The following FOXK2 variants were observed in gnomAD, a reference collection of about 807,000 sequenced individuals.
The protein encoded by FOXK2 is forkhead box K2.
A neutral mutation model predicts 53.3 loss-of-function variants in FOXK2; 24 were observed. That is an observed-to-expected ratio of 0.45 (90% CI 0.33 to 0.63). The LOEUF (loss-of-function observed/expected upper bound fraction) is 0.63. FOXK2 is among the 30% of genes least tolerant of loss of function. The pLI, the probability that FOXK2 is intolerant of heterozygous loss-of-function variation, is 0.03. For missense variants in FOXK2, 952 were observed against 910.5 expected (o/e 1.05, Z -0.59); for synonymous variants, 505 against 407.1 (o/e 1.24, Z -2.89).
intron 1 of FOXK2, chr17:82,559,603 C>G: frequency 2.4e-6 from 1 of 413,282 alleles, no homozygotes; most frequent in Admixed American, 2.5e-5. Context: ...CCTGCTGGAA[C>G]CTCGTGCCAG....
intron 8 of FOXK2, among the ~76,000 whole-genome samples, chr17:82,589,085 TTATGTATTTAAGTTA>T (rs1403899494): frequency 6.6e-6 from 1 of 152,126 alleles, no homozygotes; most frequent in Non-Finnish European, 1.5e-5. Context: ...GGTATCCTTT[TTATGTATTTAAGTTA>T]TCTGGAATTT....
rs2044816708 is a variant in FOXK2 at position 82,563,280 on chromosome 17, G to A, written c.420-74G>A. 2.8e-6 allele frequency: 4 copies of A among 1,403,724 alleles called. No homozygotes were observed. The South Asian group carries it at 5.3e-5, about 19-fold the overall frequency. 87.0% of individuals were successfully genotyped at this position (1,403,724 alleles called of 1,614,324 possible). On this transcript the variant is annotated intron_variant, in intron 1 of 8. Transcript: ENST00000335255. ...ATGTTCTCAGCTGCTCCAGTGTTGT[G>A]GGGACATGTGGGGACTCTGCCCTGC...
intron 8 of FOXK2, chr17:82,596,113 G>GGCCACACCTGCA (rs2045307590): frequency 2.9e-6 from 3 of 1,050,940 alleles, no homozygotes; most frequent in Non-Finnish European, 3.5e-6. Flanking sequence ...CCACACCTGC[G>GGCCACACCTGCA]GCCACAGACT....
chr17:82,556,577 GC>G (rs2044727416), intron 1 of FOXK2, among the ~76,000 whole-genome samples: 1 of 151,852 alleles, frequency 6.6e-6, no homozygotes, highest in African/African-American at 2.4e-5. Context: ...TGGGGCTGGG[GC>G]TGGGGCTGGG....
chr17:82,543,087 A>G (rs2044589500), intron 1 of FOXK2, among the ~76,000 whole-genome samples: 2 of 152,228 alleles, frequency 1.3e-5, no homozygotes, highest in Admixed American at 1.3e-4. Flanking sequence ...TGCTGTTGCC[A>G]GAGTGGCCAG....
In FOXK2 at chr17:82,553,042, T is replaced by G. The variant is rs567758713; in HGVS notation, c.420-10312T>G. Among the ~76,000 whole-genome samples the G allele has an allele frequency of 3.3e-5, 5 of 152,316 alleles. No individual in the cohort carries two copies. The East Asian group carries it at 9.6e-4, about 29-fold the overall frequency. ...CCTCTGCCTCCTGAGTTCAAGCGAT[T>G]CTCCTGCCTCAGCCTCCGGAGTAGC... is the stretch of plus-strand genomic sequence containing the variant. On this transcript the variant is annotated intron_variant, in intron 1 of 8. Coordinates refer to ENST00000335255, the MANE Select transcript of FOXK2 (RefSeq NM_004514.4).
intron 1 of FOXK2, among the ~76,000 whole-genome samples, chr17:82,543,444 C>T (rs1022575248): frequency 2.0e-5 from 3 of 152,160 alleles, no homozygotes; most frequent in Non-Finnish European, 4.4e-5. Context: ...TGTGTGAGCA[C>T]CTGCTGTGGG....
chr17:82,586,122 G>A lies in FOXK2; in HGVS notation c.1498G>A (p.Ala500Thr), dbSNP rs751336957. 5.0e-6 allele frequency: 8 copies of A among 1,612,680 alleles called. No individual in the cohort carries two copies. The South Asian group carries it at 8.8e-5, about 18-fold the overall frequency. Residue 500 changes from alanine to threonine, a missense_variant, in exon 7 of 9, where the codon GCT (alanine) becomes ACT (threonine). By Grantham distance (58) the Ala-to-Thr change is moderately conservative. Around this residue, in one of 5 missense-constraint regions of FOXK2, gnomAD observed 551 missense variants for 385.1 expected, o/e 1.43. Transcript: ENST00000335255. ...GAACACGTACACTGTCTCTGGACAA[G>A]CTGTGGTCACCCCGGCAGCCGTGCT... ...PANTYTVSGQ[A>T]VVTPAAVLAP...
In FOXK2 at chr17:82,519,907, G is replaced by C. The variant is rs991279550; in HGVS notation, c.19G>C (p.Ala7Pro). Residue 7 changes from alanine to proline, a missense_variant, in exon 1 of 9, where the codon GCG becomes CCG. Physicochemically the swap from Ala to Pro is conservative, Grantham distance 27. Around this residue, in one of 5 missense-constraint regions of FOXK2, gnomAD observed 163 missense variants for 165.5 expected, o/e 0.98. Transcript: ENST00000335255. ...CAGGCCCATGGCGGCGGCCGCGGCG[G>C]CGCTCTCGGGCGCGGGCACGCCACC... MAAAAA[A>P]LSGAGTPPAG... 8 of 978,378 alleles carry C rather than the reference G, an allele frequency of 8.2e-6. No homozygotes were observed. In the African/African-American group the frequency reaches 1.2e-4, roughly 15 times the overall value. 60.6% of individuals were successfully genotyped at this position (978,378 alleles called of 1,614,324 possible). A position where few individuals can be genotyped will look rare whatever the true frequency, so the allele number is the denominator to read the frequency against.
rs1003099513 is a variant in FOXK2 at position 82,602,844 on chromosome 17, C to T, written c.*1345C>T. 1 of 152,286 alleles carries T rather than the reference C, an allele frequency of 6.6e-6. No individual in the cohort carries two copies. Among genetic ancestry groups the T allele is most frequent in the Non-Finnish European group, 1.5e-5 (1 of 68,042 alleles). 9.4% of individuals were successfully genotyped at this position (152,286 alleles called of 1,614,324 possible). A position where few individuals can be genotyped will look rare whatever the true frequency, so the allele number is the denominator to read the frequency against. On this transcript the variant is annotated 3_prime_UTR_variant, in exon 9 of 9. Coordinates refer to ENST00000335255, the MANE Select transcript of FOXK2 (RefSeq NM_004514.4). The stretch of plus-strand genomic sequence containing the variant: ...GGCCGTGCACATGGGGAGAGGGCGT[C>T]AGCCTGATGGCTGAGCTTTTAAATG...
At chr17:82,533,315 C>T (rs2044489866) in intron 1 of FOXK2, among the ~76,000 whole-genome samples, 1 of 151,970 alleles carries the variant, frequency 6.6e-6, no homozygotes, top group Admixed American at 6.6e-5. Context: ...ATGGTGAAAC[C>T]CTGTCTCTAC....
intron 1 of FOXK2, among the ~76,000 whole-genome samples, chr17:82,552,451 C>A (rs914586169): frequency 6.6e-6 from 1 of 152,196 alleles, no homozygotes; most frequent in Non-Finnish European, 1.5e-5. Flanking sequence ...AGGCTTCACC[C>A]ACCGTCGCTC....
intron 1 of FOXK2, among the ~76,000 whole-genome samples, chr17:82,533,994 C>T (rs977776716): frequency 1.3e-5 from 2 of 149,890 alleles, no homozygotes; most frequent in Non-Finnish European, 3.0e-5. Flanking sequence ...AGGGGAGACC[C>T]TGTCTCAGGT....
chr17:82,547,196 T>C (rs1298968519), intron 1 of FOXK2, among the ~76,000 whole-genome samples: 1 of 152,202 alleles, frequency 6.6e-6, no homozygotes, highest in Non-Finnish European at 1.5e-5. Flanking sequence ...TCCCTGTGTT[T>C]AGAATATTCA....
intron 4 of FOXK2, among the ~76,000 whole-genome samples, chr17:82,579,099 C>T (rs191356651): frequency 2.6e-4 from 40 of 152,184 alleles, no homozygotes; most frequent in African/African-American, 7.0e-4. Flanking sequence ...GGTAGAACAG[C>T]GAGAGGGGAA....
chr17:82,590,444 C>T (rs933982722), intron 8 of FOXK2, among the ~76,000 whole-genome samples: 3 of 152,262 alleles, frequency 2.0e-5, no homozygotes, highest in Admixed American at 1.3e-4. Context: ...GGTGAGCCAC[C>T]GCCTCTGGCC....
intron 1 of FOXK2, among the ~76,000 whole-genome samples, chr17:82,524,730 G>C (rs977242935): frequency 2.0e-5 from 3 of 152,238 alleles, no homozygotes; most frequent in Non-Finnish European, 4.4e-5. Flanking sequence ...TGAGGCGCAG[G>C]TGTTCCTGGG....
At chr17:82,548,325 T>C (rs2044646194) in intron 1 of FOXK2, among the ~76,000 whole-genome samples, 1 of 152,212 alleles carries the variant, frequency 6.6e-6, no homozygotes, top group Admixed American at 6.5e-5. Flanking sequence ...AGCCATTATC[T>C]GGGTGTGTAG....
At chr17:82,521,437 G>T (rs933970959) in intron 1 of FOXK2, among the ~76,000 whole-genome samples, 2 of 151,512 alleles carry the variant, frequency 1.3e-5, no homozygotes, top group Non-Finnish European at 2.9e-5. Context: ...CTCCCAAAGT[G>T]CTGGGATTAC....
Sources: gnomAD v4.1 joint callset for allele counts (sites outside exome capture counted in the v4.1 genomes callset) on GRCh38, gnomAD v4.1.1 for gene constraint, gnomAD v4.1.1 regional missense constraint, MANE v1.5 for transcripts, NCBI Gene and HGNC (gene_info 2026-07-23, HGNC 2026-07-21) for gene names.